The following GET4 variants were observed in gnomAD, a reference collection of about 807,000 sequenced individuals.
The protein encoded by GET4 is guided entry of tail-anchored proteins factor 4.
A neutral mutation model predicts 40.0 loss-of-function variants in GET4; 20 were observed. That is an observed-to-expected ratio of 0.50 (90% confidence interval 0.35 to 0.73). The LOEUF (loss-of-function observed/expected upper bound fraction) is 0.73, where lower values mean the gene tolerates loss of function less well. Ranked by LOEUF, GET4 falls within the 30% of genes least tolerant of loss-of-function variation. The pLI, the probability that GET4 is intolerant of heterozygous loss-of-function variation, is 0.01. For synonymous variants in GET4, 280 were observed against 194.6 expected (o/e 1.44, Z -3.65); for missense variants, 557 against 454.0 (o/e 1.23, Z -2.06).
In GET4 at chr7:890,910, T is replaced by C; in HGVS notation, c.467-18T>C. 6.4e-7 allele frequency: 1 copy of C among 1,574,220 alleles called. No individual in the cohort carries two copies. Among genetic ancestry groups the C allele is most frequent in the South Asian group, 1.1e-5 (1 of 90,226 alleles). On this transcript the variant is annotated intron_variant, in intron 4 of 8. Coordinates refer to ENST00000265857, the MANE Select transcript of GET4 (RefSeq NM_015949.3). ...TATTCGTGAAATGTATTTACATTTT[T>C]CTGTCTTTCCTTTGCAGAACAAAAC...
intron 4 of GET4, among the ~76,000 whole-genome samples, chr7:888,949 C>T (rs759803419): frequency 5.3e-5 from 8 of 152,254 alleles, no homozygotes; most frequent in Admixed American, 1.3e-4. Flanking sequence ...GGTGGCCGCC[C>T]TCGCCACTCC....
chr7:878,999 C>T (rs1434550743), intron 1 of GET4, among the ~76,000 whole-genome samples: 1 of 152,040 alleles, frequency 6.6e-6, no homozygotes, highest in Non-Finnish European at 1.5e-5. Flanking sequence ...TAGAGTCCCT[C>T]AGGGACCCAT....
At chr7:877,654 G>T (rs1843990390) in intron 1 of GET4, among the ~76,000 whole-genome samples, 1 of 74,234 alleles carries the variant, frequency 1.3e-5, no homozygotes, top group Non-Finnish European at 2.6e-5. Context: ...TCCTTCCGCC[G>T]GGCCTTCACC....
intron 1 of GET4, among the ~76,000 whole-genome samples, chr7:878,901 A>G (rs2128626256): frequency 6.6e-6 from 1 of 152,256 alleles, no homozygotes; most frequent in African/African-American, 2.4e-5. Flanking sequence ...TTTTTAGAGC[A>G]GTTTTTGGTT....
At chr7:879,468 T>TC (rs1457792170) in intron 1 of GET4, among the ~76,000 whole-genome samples, 3 of 152,240 alleles carry the variant, frequency 2.0e-5, no homozygotes, top group Non-Finnish European at 4.4e-5. Flanking sequence ...GGTCCTGGCA[T>TC]CTGTGTTTAG....
chr7:876,692 G>A lies in GET4; in HGVS notation c.47G>A (p.Gly16Asp). Residue 16 changes from glycine (G) to aspartate (D), a missense_variant, in exon 1 of 9, where the codon GGC (glycine) becomes GAC (aspartate). Coordinates refer to ENST00000265857, the MANE Select transcript of GET4 (RefSeq NM_015949.3). ...GCCGAGCAGGAGAGCGCCCGGAACGGCGGCCGCAACCGCGGCGGCGTCCAG... is the reference window on the plus strand; with the variant it reads ...GCCGAGCAGGAGAGCGCCCGGAACGACGGCCGCAACCGCGGCGGCGTCCAG... ...AMAEQESARN[G>D]GRNRGGVQRV... 7.4e-7 allele frequency: 1 copy of A among 1,351,914 alleles called. No homozygotes were observed. Among genetic ancestry groups the A allele is most frequent in the Non-Finnish European group, 9.6e-7 (1 of 1,038,554 alleles). The allele number at this position is 1,351,914 out of a possible 1,614,324, so 83.7% of individuals were successfully genotyped here.
intron 1 of GET4, among the ~76,000 whole-genome samples, chr7:879,594 T>C (rs924245714): frequency 6.6e-6 from 1 of 152,202 alleles, no homozygotes; most frequent in Non-Finnish European, 1.5e-5. Context: ...CAGCCTTGTT[T>C]CCAGAATTTT....
Position 891,079 on chromosome 7 carries a change from G to T in GET4, c.605+13G>T. On this transcript the variant is annotated intron_variant, in intron 5 of 8. Transcript: ENST00000265857. Reference sequence around the variant, plus strand: ...AGGCCGTGCTACAGTAGGTGTCTGTGGCTCTTCGGGTCTCGGCTTCCATTG... The same window carrying T: ...AGGCCGTGCTACAGTAGGTGTCTGTTGCTCTTCGGGTCTCGGCTTCCATTG... 6.4e-7 allele frequency: 1 copy of T among 1,573,306 alleles called. No individual in the cohort carries two copies. The highest frequency in any genetic ancestry group is 1.7e-4 in the Middle Eastern group (1 of 5,842).
intron 5 of GET4, 149 bp from the exon 6 acceptor site, chr7:892,127 GAC>G (rs1346160897): frequency 1.2e-5 from 8 of 688,716 alleles, no homozygotes; most frequent in African/African-American, 5.3e-5. Context: ...CATGAGGGAA[GAC>G]ACGCGTGAAG....
In GET4 at chr7:896,028, T is replaced by G. The variant is rs1455330914; in HGVS notation, c.*606T>G. 6.6e-6 allele frequency: 1 copy of G among 152,076 alleles called. No homozygotes were observed. Among genetic ancestry groups the G allele is most frequent in the African/African-American group, 2.4e-5 (1 of 41,406 alleles). The allele number at this position is 152,076 out of a possible 1,614,324, so 9.4% of individuals were successfully genotyped here. Reference sequence around the variant, plus strand: ...GTGCCTACGGGTACTTGCAGCTGTGTCCCATGTGGCATCCCAGAGCTGCGC... The same window carrying G: ...GTGCCTACGGGTACTTGCAGCTGTGGCCCATGTGGCATCCCAGAGCTGCGC... On this transcript the variant is annotated 3_prime_UTR_variant, in exon 9 of 9. Transcript: ENST00000265857.
In GET4 at chr7:886,079, C is replaced by T. The variant is rs369193824; in HGVS notation, c.179C>T (p.Thr60Met). 20 of 1,608,800 alleles carry T rather than the reference C, an allele frequency of 1.2e-5. No homozygotes were observed. The highest frequency in any genetic ancestry group is 2.7e-5 in the African/African-American group (2 of 74,842). ...AGGTACATGTCCCAGAGCAAGCACA[C>T]GGAGGCCCGGGAGCTCATGTACTCG... is the stretch of plus-strand genomic sequence containing the variant. ...FFRYMSQSKH[T>M]EARELMYSGA... The change falls in exon 2 of 9, where the codon ACG becomes ATG. Residue 60 changes from threonine (T) to methionine (M), a missense_variant. Transcript: ENST00000265857.
chr7:892,403 TGCTG>T lies in GET4; in HGVS notation c.736_739del (p.Ala246TrpfsTer6). On this transcript the variant is annotated frameshift_variant, in exon 6 of 9. Transcript: ENST00000265857. LOFTEE classifies it high-confidence loss of function. ...CTGCTTAACTTCATCTGGTTCCTGC[TGCTG>T]GCTGTGGACGGGTGCGTCTTGGGAT... The T allele has an allele frequency of 6.3e-7, 1 of 1,589,888 alleles. No homozygotes were observed. Among genetic ancestry groups the T allele is most frequent in the Non-Finnish European group, 8.6e-7 (1 of 1,160,418 alleles).
intron 1 of GET4, chr7:883,964 C>T: frequency 1.9e-6 from 2 of 1,070,244 alleles, no homozygotes; most frequent in Non-Finnish European, 2.3e-6. Context: ...CCCAGCTGCC[C>T]AGGGAAGAAG....
In GET4 at chr7:890,940, G is replaced by C. The variant is rs762271647; in HGVS notation, c.479G>C (p.Cys160Ser). The change falls in exon 5 of 9, where the codon TGT becomes TCT. Residue 160 changes from cysteine to serine, a missense_variant. Coordinates refer to ENST00000265857, the MANE Select transcript of GET4 (RefSeq NM_015949.3). ...CTTTCCTTTGCAGAACAAAACTATTGTGAGTCGAGGTATCATTTTCTGCAC... is the reference window on the plus strand; with the variant it reads ...CTTTCCTTTGCAGAACAAAACTATTCTGAGTCGAGGTATCATTTTCTGCAC... ...ALTLWKEQNYCESRYHFLHSA... is the reference protein window; with the variant it reads ...ALTLWKEQNYSESRYHFLHSA... 1.2e-6 allele frequency: 2 copies of C among 1,605,948 alleles called. No homozygotes were observed. Among genetic ancestry groups the C allele is most frequent in the South Asian group, 2.2e-5 (2 of 90,912 alleles).
chr7:879,709 GT>G (rs1844045497), intron 1 of GET4: 1 of 152,214 alleles, frequency 6.6e-6, no homozygotes, highest in Non-Finnish European at 1.5e-5. Flanking sequence ...TGTTTAATTG[GT>G]TTAGAAAGAG....
intron 1 of GET4, chr7:885,570 G>A (rs1214068248): frequency 1.9e-5 from 3 of 157,136 alleles, no homozygotes; most frequent in African/African-American, 7.2e-5. Context: ...GTGGCACGCA[G>A]AGGGGCAGAG....
At position 877,285 on chromosome 7, in the gene GET4, C is replaced by G. The variant is rs985500955; in HGVS notation, c.155+485C>G. ...CTCTCCCGGCCCCTCGTCTCTCTGT[C>G]CTCGGCCTCTCCTTGCCCCCCGCCT... On this transcript the variant is annotated intron_variant, in intron 1 of 8. Coordinates refer to ENST00000265857, the MANE Select transcript of GET4 (RefSeq NM_015949.3). 3.5e-5 allele frequency among the ~76,000 whole-genome samples: 5 copies of G among 144,298 alleles called. No homozygotes were observed. In the South Asian group the frequency reaches 1.2e-3, roughly 33 times the overall value. 94.7% of individuals were successfully genotyped at this position (144,298 alleles called of 152,430 possible).
At chr7:893,013 C>T (rs1412637411) in intron 6 of GET4, among the ~76,000 whole-genome samples, 2 of 145,502 alleles carry the variant, frequency 1.4e-5, no homozygotes, top group Non-Finnish European at 3.0e-5. Flanking sequence ...GTGGTGTTTG[C>T]AGGTGAGGGG....
chr7:891,751 C>T (rs986501256), intron 5 of GET4, among the ~76,000 whole-genome samples: 6 of 152,290 alleles, frequency 3.9e-5, no homozygotes, highest in African/African-American at 9.6e-5. Flanking sequence ...GGAGCTTTGC[C>T]AGGAGCTGGC....
Sources: gnomAD v4.1 joint callset for allele counts (sites outside exome capture counted in the v4.1 genomes callset) on GRCh38, gnomAD v4.1.1 for gene constraint, MANE v1.5 for transcripts, NCBI Gene and HGNC (gene_info 2026-07-23, HGNC 2026-07-21) for gene names.